Variants in CSMD1 observed in about 807,000 individuals in gnomAD.
CSMD1 encodes the protein CUB and sushi domain-containing protein 1.
Under a neutral mutation model 417.5 loss-of-function variants are expected in CSMD1, and 213 were observed. The observed-to-expected ratio is 0.51, with a 90% CI of 0.46 to 0.57. CSMD1 has a LOEUF of 0.57. Ranked by LOEUF, CSMD1 falls within the 20% of genes least tolerant of loss-of-function variation. The pLI, the probability that CSMD1 is intolerant of heterozygous loss-of-function variation, is 0.00. For missense variants in CSMD1, 6,923 were observed against 4,529.7 expected (o/e 1.53, Z -15.17); for synonymous variants, 2,862 against 1,736.8 (o/e 1.65, Z -16.11).
At chr8:4,375,002 T>G (rs1432137406) in intron 3 of CSMD1, among the ~76,000 whole-genome samples, 4 of 124,188 alleles carry the variant, frequency 3.2e-5, no homozygotes, top group African/African-American at 9.0e-5. Context: ...CAAGGAGCAA[T>G]AGTGGGGACA....
intron 12 of CSMD1, among the ~76,000 whole-genome samples, chr8:3,415,153 T>C (rs544004686): frequency 6.6e-6 from 1 of 152,250 alleles, no homozygotes. Context: ...TTAAATTGTA[T>C]ATATTGTTCA....
rs1261184065 is a variant in CSMD1 at position 4,737,172 on chromosome 8, C to T, written c.86-99614G>A. ...TGCAGCCACAAAAAAAGAATGAGAT[C>T]ATGTCCTCTGCAGGGACATGGATGG... On this transcript the variant is annotated intron_variant, in intron 1 of 69. Transcript: ENST00000635120. Among the ~76,000 whole-genome samples, 3 of 152,094 alleles carry T rather than the reference C, an allele frequency of 2.0e-5. No homozygotes were observed. In the East Asian group the frequency reaches 5.8e-4, roughly 29 times the overall value.
intron 8 of CSMD1, among the ~76,000 whole-genome samples, chr8:3,600,148 G>C (rs1201381431): frequency 3.9e-5 from 6 of 152,208 alleles, no homozygotes; most frequent in Non-Finnish European, 1.5e-5. Flanking sequence ...CATAACTGCA[G>C]GTGGCATCAG....
At chr8:4,624,607 T>C (rs904895952) in intron 2 of CSMD1, among the ~76,000 whole-genome samples, 1 of 152,166 alleles carries the variant, frequency 6.6e-6, no homozygotes, top group Admixed American at 6.6e-5. Context: ...TCCACGACAT[T>C]GGACACGCCT....
intron 3 of CSMD1, among the ~76,000 whole-genome samples, chr8:4,100,679 A>G (rs1370026531): frequency 6.6e-6 from 1 of 152,156 alleles, no homozygotes; most frequent in African/African-American, 2.4e-5. Context: ...TGAAATTGCC[A>G]TTCATACTGG....
chr8:4,139,468 G>A (rs971136611), intron 3 of CSMD1, among the ~76,000 whole-genome samples: 2 of 144,518 alleles, frequency 1.4e-5, no homozygotes, highest in Non-Finnish European at 2.9e-5. Context: ...GGCGTGGACA[G>A]TCCAGTGAGG....
chr8:4,561,235 G>C (rs547570451), intron 2 of CSMD1, among the ~76,000 whole-genome samples: 1 of 152,154 alleles, frequency 6.6e-6, no homozygotes, highest in Non-Finnish European at 1.5e-5. Context: ...ACAGTCAGGC[G>C]TGGTAGTGTG....
intron 2 of CSMD1, among the ~76,000 whole-genome samples, chr8:4,595,583 A>T (rs959853700): frequency 1.3e-5 from 2 of 151,966 alleles, no homozygotes; most frequent in Non-Finnish European, 2.9e-5. Context: ...TTGCTTCCTA[A>T]ACAATGTCCC....
intron 7 of CSMD1, among the ~76,000 whole-genome samples, chr8:3,636,351 G>C (rs1024967074): frequency 6.6e-6 from 1 of 152,086 alleles, no homozygotes; most frequent in Admixed American, 6.5e-5. Flanking sequence ...CTAATTTTTG[G>C]ATTTTTAGTA....
At chr8:4,407,960 C>G (rs905249742) in intron 3 of CSMD1, among the ~76,000 whole-genome samples, 1 of 152,180 alleles carries the variant, frequency 6.6e-6, no homozygotes, top group African/African-American at 2.4e-5. Flanking sequence ...CATTTGTTAT[C>G]CTCCTACACC....
intron 7 of CSMD1, among the ~76,000 whole-genome samples, chr8:3,663,330 G>C (rs1271414628): frequency 6.6e-6 from 1 of 152,162 alleles, no homozygotes. Flanking sequence ...GGTAGGCATG[G>C]TGCGTTCTGT....
intron 1 of CSMD1, among the ~76,000 whole-genome samples, chr8:4,914,490 A>G (rs994988753): frequency 3.3e-5 from 5 of 150,936 alleles, no homozygotes; most frequent in Non-Finnish European, 7.4e-5. Context: ...AGGCAGGAGA[A>G]TGGCGTGAAC....
chr8:4,338,471 G>A (rs531772774), intron 3 of CSMD1, among the ~76,000 whole-genome samples: 2 of 152,086 alleles, frequency 1.3e-5, no homozygotes, highest in South Asian at 2.1e-4. Context: ...ACCTGGTTAG[G>A]TTCATGGCAA....
At chr8:4,280,882 T>G (rs1226687385) in intron 3 of CSMD1, among the ~76,000 whole-genome samples, 3 of 152,256 alleles carry the variant, frequency 2.0e-5, no homozygotes. Flanking sequence ...TTAGAAATAC[T>G]TTTTTGGTAA....
At chr8:3,106,357 C>T (rs1738241079) in intron 46 of CSMD1, among the ~76,000 whole-genome samples, 171 bp downstream of exon 46, 1 of 152,088 alleles carries the variant, frequency 6.6e-6, no homozygotes, top group Non-Finnish European at 1.5e-5. Context: ...ATGATTGCAC[C>T]ACTGTACTCC....
chr8:4,766,101 A>G (rs578018643), intron 1 of CSMD1, among the ~76,000 whole-genome samples: 17 of 152,322 alleles, frequency 1.1e-4, no homozygotes, highest in African/African-American at 4.1e-4. Context: ...TATTACATTA[A>G]TAATATTTTA....
chr8:3,861,894 T>A (rs1804734864), intron 5 of CSMD1, among the ~76,000 whole-genome samples: 1 of 152,172 alleles, frequency 6.6e-6, no homozygotes, highest in Non-Finnish European at 1.5e-5. Flanking sequence ...AGTCATAGCA[T>A]CCAACATGCC....
intron 1 of CSMD1, among the ~76,000 whole-genome samples, chr8:4,781,251 A>G (rs542469751): frequency 6.6e-6 from 1 of 152,338 alleles, no homozygotes; most frequent in East Asian, 1.9e-4. Context: ...AAGCATGATG[A>G]GGGAATGCCC....
intron 3 of CSMD1, among the ~76,000 whole-genome samples, chr8:4,067,770 T>A (rs1196727442): frequency 6.6e-6 from 1 of 152,182 alleles, no homozygotes; most frequent in Non-Finnish European, 1.5e-5. Context: ...TATGAACGTT[T>A]TCCTGTAAAC....
Sources: gnomAD v4.1 joint callset for allele counts (sites outside exome capture counted in the v4.1 genomes callset) on GRCh38, gnomAD v4.1.1 for gene constraint, MANE v1.5 for transcripts, NCBI Gene and HGNC (gene_info 2026-07-23, HGNC 2026-07-21) for gene names.